CSMD1: variants seen among roughly 807,000 people sequenced by gnomAD.
CSMD1 encodes CUB and sushi domain-containing protein 1.
Under a neutral mutation model 417.5 loss-of-function variants are expected in CSMD1, and 213 were observed. The observed-to-expected ratio is 0.51, with a 90% CI of 0.46 to 0.57. The LOEUF is 0.57. CSMD1 is among the 20% of genes least tolerant of loss of function. The pLI is 0.00. For synonymous variants in CSMD1, 2,862 were observed against 1,736.8 expected (o/e 1.65, Z -16.11); for missense variants, 6,923 against 4,529.7 (o/e 1.53, Z -15.17).
At chr8:3,378,334 G>C (rs1241783261) in intron 18 of CSMD1, among the ~76,000 whole-genome samples, 1 of 152,108 alleles carries the variant, frequency 6.6e-6, no homozygotes, top group Non-Finnish European at 1.5e-5. Context: ...AGAGGAGCTG[G>C]TACCATTCCT....
At chr8:4,407,714 G>A (rs1182379070) in intron 3 of CSMD1, among the ~76,000 whole-genome samples, 2 of 152,130 alleles carry the variant, frequency 1.3e-5, no homozygotes, top group Non-Finnish European at 2.9e-5. Flanking sequence ...ATAAATAGCT[G>A]TAGTTTTTCC....
intron 1 of CSMD1, among the ~76,000 whole-genome samples, chr8:4,810,500 T>A (rs896733072): frequency 1.3e-5 from 2 of 152,112 alleles, no homozygotes; most frequent in African/African-American, 4.8e-5. Flanking sequence ...TATTTGGCAA[T>A]TGTCTGTAAC....
intron 12 of CSMD1, among the ~76,000 whole-genome samples, chr8:3,431,095 G>C (rs570521447): frequency 2.6e-5 from 4 of 152,214 alleles, no homozygotes; most frequent in Admixed American, 1.3e-4. Context: ...TTCTGTTCTA[G>C]ACAGTAAGGA....
In CSMD1 at chr8:2,955,628, C is replaced by A; in HGVS notation, c.9955G>T (p.Ala3319Ser). The A allele has an allele frequency of 1.2e-6, 2 of 1,613,848 alleles. No individual in the cohort carries two copies. The highest frequency in any genetic ancestry group is 1.7e-6 in the Non-Finnish European group (2 of 1,179,822). The change falls in exon 64 of 70, where the codon GCA becomes TCA. Residue 3319 changes from alanine to serine, a missense_variant. By Grantham distance (99) the Ala-to-Ser change is moderately conservative (BLOSUM62 1). Coordinates refer to ENST00000635120, the MANE Select transcript of CSMD1 (RefSeq NM_033225.6). ...AGGSEHRTCKADMKWTGKSPV... is the reference protein window; with the variant it reads ...AGGSEHRTCKSDMKWTGKSPV... ...GACTTTCCTGTCCATTTCATGTCTG[C>A]TTTACATGTTCTGTGCTCAGATCCC...
chr8:4,975,393 G>A (rs563272576), intron 1 of CSMD1, among the ~76,000 whole-genome samples: 3 of 152,184 alleles, frequency 2.0e-5, no homozygotes, highest in Non-Finnish European at 2.9e-5. Flanking sequence ...TTACTTCCTG[G>A]CTGTAAGCGG....
At chr8:3,195,457 G>A (rs1212135617) in intron 33 of CSMD1, among the ~76,000 whole-genome samples, 2 of 152,192 alleles carry the variant, frequency 1.3e-5, no homozygotes, top group East Asian at 1.9e-4. Flanking sequence ...AGAATCAATG[G>A]CCTCTTCTAA....
intron 1 of CSMD1, among the ~76,000 whole-genome samples, chr8:4,906,446 T>C (rs1051210604): frequency 1.3e-5 from 2 of 152,202 alleles, no homozygotes; most frequent in Non-Finnish European, 2.9e-5. Flanking sequence ...CCAAGGACTG[T>C]GTTCATTAAG....
chr8:3,668,459 G>C (rs138672385), intron 7 of CSMD1, among the ~76,000 whole-genome samples: 5 of 152,282 alleles, frequency 3.3e-5, no homozygotes, highest in Admixed American at 2.6e-4. Flanking sequence ...TTCAGGTGGA[G>C]AGATGATAGA....
chr8:4,694,455 G>A (rs1017927542), intron 1 of CSMD1, among the ~76,000 whole-genome samples: 2 of 151,910 alleles, frequency 1.3e-5, no homozygotes, highest in African/African-American at 4.8e-5. Flanking sequence ...GGATTCAAGC[G>A]ATTCTCCTGC....
intron 3 of CSMD1, among the ~76,000 whole-genome samples, chr8:4,233,012 C>G (rs192788475): frequency 1.7e-4 from 26 of 152,230 alleles, no homozygotes; most frequent in African/African-American, 6.3e-4. Flanking sequence ...GGTGTCATGT[C>G]TACATGCACC....
chr8:3,446,806 T>G (rs1270510036), intron 12 of CSMD1, among the ~76,000 whole-genome samples: 1 of 152,234 alleles, frequency 6.6e-6, no homozygotes, highest in Non-Finnish European at 1.5e-5. Context: ...GAAATATAAA[T>G]ATGTATGGGT....
intron 3 of CSMD1, among the ~76,000 whole-genome samples, chr8:4,397,738 A>G (rs949643629): frequency 4.6e-5 from 7 of 152,116 alleles, no homozygotes; most frequent in Non-Finnish European, 8.8e-5. Context: ...AAATACAAAT[A>G]TGTTTGAATA....
chr8:3,858,857 T>C (rs1318770876), intron 5 of CSMD1, among the ~76,000 whole-genome samples: 1 of 152,188 alleles, frequency 6.6e-6, no homozygotes, highest in African/African-American at 2.4e-5. Flanking sequence ...TTCTGTAGAA[T>C]GCTCCAGTAG....
chr8:3,269,523 A>G (rs1349890163), intron 26 of CSMD1, among the ~76,000 whole-genome samples: 1 of 152,224 alleles, frequency 6.6e-6, no homozygotes, highest in African/African-American at 2.4e-5. Context: ...TTATCTTTCA[A>G]TAAAGTAGGG....
At chr8:4,973,807 G>A (rs1221225321) in intron 1 of CSMD1, among the ~76,000 whole-genome samples, 1 of 152,116 alleles carries the variant, frequency 6.6e-6, no homozygotes, top group East Asian at 1.9e-4. Flanking sequence ...TAACTTAGCT[G>A]TTCCTGAACT....
At chr8:4,498,616 T>C (rs2130265162) in intron 2 of CSMD1, among the ~76,000 whole-genome samples, 1 of 152,312 alleles carries the variant, frequency 6.6e-6, no homozygotes, top group Non-Finnish European at 1.5e-5. Flanking sequence ...AATAGTGTTG[T>C]CAAGGTAAAA....
At chr8:4,976,821 T>A (rs761508250) in intron 1 of CSMD1, among the ~76,000 whole-genome samples, 1 of 152,186 alleles carries the variant, frequency 6.6e-6, no homozygotes, top group African/African-American at 2.4e-5. Context: ...TTTTATTAAA[T>A]ATTCATTTAA....
chr8:4,675,282 G>T (rs935220352), intron 1 of CSMD1, among the ~76,000 whole-genome samples: 1 of 152,132 alleles, frequency 6.6e-6, no homozygotes, highest in South Asian at 2.1e-4. Context: ...CTCTGAAGGG[G>T]CATTGTTGGA....
chr8:4,725,530 G>A (rs541442966), intron 1 of CSMD1, among the ~76,000 whole-genome samples: 4 of 152,190 alleles, frequency 2.6e-5, no homozygotes, highest in South Asian at 2.1e-4. Context: ...TCCATTTTGC[G>A]AACTCCATTC....
Sources: allele counts gnomAD v4.1 joint callset (sites outside exome capture counted in the v4.1 genomes callset), GRCh38; gene constraint gnomAD v4.1.1; transcripts MANE v1.5; gene names NCBI Gene and HGNC (gene_info 2026-07-23, HGNC 2026-07-21).